Variants in SORCS3 observed in about 807,000 individuals in gnomAD.
The protein encoded by SORCS3 is VPS10 domain-containing receptor SorCS3.
Under a neutral mutation model 146.3 loss-of-function variants are expected in SORCS3, and 57 were observed. That is an observed-to-expected ratio of 0.39 (90% CI 0.31 to 0.49). The LOEUF (loss-of-function observed/expected upper bound fraction) is 0.49, where lower values mean the gene tolerates loss of function less well. Ranked by LOEUF, SORCS3 falls within the 20% of genes least tolerant of loss-of-function variation. SORCS3 has a pLI of 0.92. For synonymous variants in SORCS3, 653 were observed against 618.5 expected (o/e 1.06, Z -0.83); for missense variants, 1,341 against 1,575.5 (o/e 0.85, Z 2.52).
At chr10:104,797,773 A>C (rs2017574121) in intron 1 of SORCS3, among the ~76,000 whole-genome samples, 1 of 152,172 alleles carries the variant, frequency 6.6e-6, no homozygotes, top group Admixed American at 6.5e-5. Flanking sequence ...ATCTAGCCTG[A>C]GTTGAAATAT....
At chr10:104,979,563 G>GTT (rs1233991510) in intron 4 of SORCS3, among the ~76,000 whole-genome samples, 1 of 141,108 alleles carries the variant, frequency 7.1e-6, no homozygotes, top group East Asian at 2.0e-4. Flanking sequence ...GTGAATTTGT[G>GTT]TTTGTGTGTG....
At chr10:104,955,140 A>G (rs578121115) in intron 3 of SORCS3, among the ~76,000 whole-genome samples, 46 of 151,700 alleles carry the variant, frequency 3.0e-4, no homozygotes, top group African/African-American at 1.0e-3. Context: ...ATCACCCCCA[A>G]AAGAAGCCCT....
In SORCS3 at chr10:104,977,350, G is replaced by T. The variant is rs1449618197; in HGVS notation, c.811G>T (p.Asp271Tyr). 1 of 1,612,072 alleles carries T rather than the reference G, an allele frequency of 6.2e-7. No homozygotes were observed. The stretch of plus-strand genomic sequence containing the variant: ...CTTTCTTTAGATTATGCTTCTCAGT[G>T]ATCCTGAGATGGAGAGCAGCATATT... ...TNKRKIMLLSDPEMESSILIS... is the reference protein window; with the variant it reads ...TNKRKIMLLSYPEMESSILIS... Residue 271 changes from aspartate (D) to tyrosine (Y), a missense_variant, in exon 4 of 27, where the codon GAT becomes TAT. Asp to Tyr is a radical substitution (Grantham distance 160). Transcript: ENST00000369701.
chr10:104,757,000 A>G (rs569507788), intron 1 of SORCS3, among the ~76,000 whole-genome samples: 3 of 151,960 alleles, frequency 2.0e-5, no homozygotes, highest in South Asian at 4.2e-4. Context: ...CAAGATCAAC[A>G]ACCATTATCT....
At chr10:104,771,669 T>C (rs988296065) in intron 1 of SORCS3, among the ~76,000 whole-genome samples, 3 of 152,086 alleles carry the variant, frequency 2.0e-5, no homozygotes, top group African/African-American at 7.2e-5. Flanking sequence ...ACTTCTCAGA[T>C]AGAGGGTGCA....
At chr10:105,204,101 G>A (rs970909588) in intron 16 of SORCS3, among the ~76,000 whole-genome samples, 7 of 152,050 alleles carry the variant, frequency 4.6e-5, no homozygotes, top group African/African-American at 9.7e-5. Context: ...GCCTTTACAC[G>A]GCCTTCTGTG....
At chr10:104,867,341 G>A (rs1234120590) in intron 2 of SORCS3, among the ~76,000 whole-genome samples, 10 of 148,334 alleles carry the variant, frequency 6.7e-5, no homozygotes, top group Non-Finnish European at 1.2e-4. Flanking sequence ...ACGAAGTCTC[G>A]CTCTGTCGCC....
At chr10:104,822,011 T>C in intron 1 of SORCS3, 1 of 487,398 alleles carries the variant, frequency 2.1e-6, no homozygotes, top group African/African-American at 2.0e-5. Context: ...CTGGGCACTT[T>C]CATACCATCT....
At chr10:104,954,091 A>G (rs2019462219) in intron 3 of SORCS3, among the ~76,000 whole-genome samples, 1 of 152,220 alleles carries the variant, frequency 6.6e-6, no homozygotes, top group African/African-American at 2.4e-5. Context: ...ATGTATATAT[A>G]TATTTGACCA....
chr10:104,805,062 T>C (rs2133513096), intron 1 of SORCS3, among the ~76,000 whole-genome samples: 1 of 152,316 alleles, frequency 6.6e-6, no homozygotes, highest in African/African-American at 2.4e-5. Context: ...CTAATACACC[T>C]CACTCACACA....
At chr10:104,816,666 A>C (rs2017801212) in intron 1 of SORCS3, among the ~76,000 whole-genome samples, 1 of 152,136 alleles carries the variant, frequency 6.6e-6, no homozygotes, top group Non-Finnish European at 1.5e-5. Context: ...CAGACTCATC[A>C]GACTTTTAAA....
At position 105,068,387 on chromosome 10, in the gene SORCS3, C is replaced by A. The variant is rs1172783271; in HGVS notation, c.1029-21388C>A. 5.3e-5 allele frequency among the ~76,000 whole-genome samples: 8 copies of A among 152,148 alleles called. 1 individual carries two copies. Among genetic ancestry groups the A allele is most frequent in the Non-Finnish European group, 1.0e-4 (7 of 68,036 alleles). On this transcript the variant is annotated intron_variant, in intron 5 of 26. Coordinates refer to ENST00000369701, the MANE Select transcript of SORCS3 (RefSeq NM_014978.3). Reference sequence around the variant, plus strand: ...GGCCCCCTTGTTGAATTTATTACACCTTCAAACCCCTTCCCTAGATGCATC... The same window carrying A: ...GGCCCCCTTGTTGAATTTATTACACATTCAAACCCCTTCCCTAGATGCATC...
At position 104,721,158 on chromosome 10, in the gene SORCS3, G is replaced by A. The variant is rs562340460; in HGVS notation, c.627+79204G>A. On this transcript the variant is annotated intron_variant, in intron 1 of 26. Transcript: ENST00000369701. ...CATCTTGAATTAATTTTTGTATAAG[G>A]TGTAAGGAAGGGATCCAGTTTCAGC... 9.5e-3 allele frequency among the ~76,000 whole-genome samples: 1,440 copies of A among 152,232 alleles called. 17 individuals carry two copies. The highest frequency in any genetic ancestry group is 0.033 in the African/African-American group (1,363 of 41,532).
intron 2 of SORCS3, among the ~76,000 whole-genome samples, chr10:104,885,263 A>C (rs532945725): frequency 6.6e-6 from 1 of 152,210 alleles, no homozygotes; most frequent in South Asian, 2.1e-4. Flanking sequence ...TTTTGGAATC[A>C]TAAGCCATGC....
At chr10:104,664,209 C>G (rs1327476654) in intron 1 of SORCS3, among the ~76,000 whole-genome samples, 1 of 152,116 alleles carries the variant, frequency 6.6e-6, no homozygotes, top group Non-Finnish European at 1.5e-5. Flanking sequence ...TCTGTCTTTA[C>G]AGTGTGTCCT....
At chr10:104,884,863 G>A (rs1462529451) in intron 2 of SORCS3, among the ~76,000 whole-genome samples, 1 of 149,952 alleles carries the variant, frequency 6.7e-6, no homozygotes, top group East Asian at 2.0e-4. Flanking sequence ...TTCCTCCTAT[G>A]TCCCTCCAGG....
intron 7 of SORCS3, among the ~76,000 whole-genome samples, chr10:105,126,393 T>C (rs182273667): frequency 2.0e-5 from 3 of 152,270 alleles, no homozygotes; most frequent in South Asian, 4.1e-4. Flanking sequence ...TCTCTCTGAC[T>C]CTCCATTTGT....
At chr10:104,910,652 A>G (rs2018957449) in intron 2 of SORCS3, among the ~76,000 whole-genome samples, 2 of 152,256 alleles carry the variant, frequency 1.3e-5, no homozygotes. Context: ...TTATGCACAC[A>G]AACACTTGTT....
chr10:105,014,289 A>G (rs1393868491), intron 4 of SORCS3, among the ~76,000 whole-genome samples: 4 of 151,800 alleles, frequency 2.6e-5, no homozygotes, highest in Admixed American at 2.6e-4. Context: ...TGGACTTAAG[A>G]CTTAACTGTG....
Sources: allele counts gnomAD v4.1 joint callset (sites outside exome capture counted in the v4.1 genomes callset), GRCh38; gene constraint gnomAD v4.1.1; transcripts MANE v1.5; gene names NCBI Gene and HGNC (gene_info 2026-07-23, HGNC 2026-07-21).